C1S: variants seen among roughly 807,000 people sequenced by gnomAD.
C1S encodes the protein complement C1s, also known as complement C1s subcomponent.
C1S carries 31 observed loss-of-function variants against 54.0 expected under a neutral mutation model. That is an observed-to-expected ratio of 0.57 (90% CI 0.43 to 0.78). The LOEUF is 0.78. Among genes scored for constraint, C1S ranks in the 30% least tolerant of loss-of-function variants. C1S has a pLI of 0.00. For synonymous variants in C1S, 292 were observed against 303.6 expected (o/e 0.96, Z 0.40); for missense variants, 727 against 851.8 (o/e 0.85, Z 1.82).
chr12:7,061,059 C>G (rs1947081548), intron 1 of C1S, among the ~76,000 whole-genome samples, 182 bp downstream of exon 1: 1 of 152,206 alleles, frequency 6.6e-6, no homozygotes, highest in Non-Finnish European at 1.5e-5. Context: ...ACCCCCTTAC[C>G]TACCACTGTT....
intron 9 of C1S, chr12:7,067,415 C>G (rs1187837119): frequency 4.4e-6 from 3 of 683,904 alleles, no homozygotes; most frequent in Non-Finnish European, 7.9e-6. Flanking sequence ...GAACCAGGCT[C>G]TTCACTACGG....
intron 4 of C1S, chr12:7,063,519 C>G (rs1591576176): frequency 2.9e-6 from 1 of 348,356 alleles, no homozygotes; most frequent in East Asian, 7.5e-5. Context: ...ATTCTGGGTA[C>G]TTCTGTATCT....
intron 4 of C1S, chr12:7,063,401 T>C (rs1163215118): frequency 2.4e-5 from 11 of 465,892 alleles, no homozygotes; most frequent in Admixed American, 1.5e-4. Context: ...ATTTGCTCCA[T>C]ATAAAGATGA....
At position 7,065,160 on chromosome 12, in the gene C1S, C is replaced by T. The variant is rs199916072; in HGVS notation, c.578C>T (p.Pro193Leu). 4.9e-5 allele frequency: 79 copies of T among 1,613,852 alleles called. No individual in the cohort carries two copies. The highest frequency in any genetic ancestry group is 1.7e-5 in the Non-Finnish European group (20 of 1,179,950). The change falls in exon 6 of 12, where the codon CCC becomes CTC. Residue 193 changes from proline (P) to leucine (L), a missense_variant. By Grantham distance (98) the Pro-to-Leu change is moderately conservative. Around this residue, in one of 3 missense-constraint regions of C1S, gnomAD observed 357 missense variants for 365.4 expected, o/e 0.98. Coordinates refer to ENST00000360817, the MANE Select transcript of C1S (RefSeq NM_001734.5). The stretch of plus-strand genomic sequence containing the variant: ...GGGGAGATTGCAAGTCCCAATTATC[C>T]CAAACCATATCCAGAGAACTCAAGG... ...LIGEIASPNY[P>L]KPYPENSRCE... is the part of the protein sequence containing the mutation.
chr12:7,062,416 G>A (rs888168551), intron 2 of C1S, 59 bp from the exon 3 acceptor site: 8 of 1,277,814 alleles, frequency 6.3e-6, no homozygotes, highest in South Asian at 2.4e-5. Flanking sequence ...CAAATAGCGC[G>A]TTCTGTCCTA....
chr12:7,068,543 G>A lies in C1S; in HGVS notation c.1270+13G>A. On this transcript the variant is annotated intron_variant, in intron 11 of 11. Coordinates refer to ENST00000360817, the MANE Select transcript of C1S (RefSeq NM_001734.5). ...AAATGTGTTCCAGGTAAGGAGGGCT[G>A]AGGCTTGGGGAGAGATGATAGCCAT... 1 of 1,588,204 alleles carries A rather than the reference G, an allele frequency of 6.3e-7. No homozygotes were observed. The highest frequency in any genetic ancestry group is 8.6e-7 in the Non-Finnish European group (1 of 1,156,474).
intron 11 of C1S, 75 bp downstream of exon 11, chr12:7,068,605 T>C: frequency 3.0e-6 from 3 of 1,016,434 alleles, no homozygotes; most frequent in Non-Finnish European, 4.7e-6. Context: ...GCAACTGTAA[T>C]CCTCTTGGGA....
intron 4 of C1S, 95 bp downstream of exon 4, chr12:7,063,162 C>T (rs1486899851): frequency 2.6e-5 from 31 of 1,210,858 alleles, no homozygotes; most frequent in East Asian, 9.3e-5. Context: ...GGATTCTGTT[C>T]GTAATTCTTA....
At position 7,070,816 on chromosome 12, in the gene C1S, A is replaced by T. The variant is rs782305086; in HGVS notation, c.*165A>T. On this transcript the variant is annotated 3_prime_UTR_variant, in exon 12 of 12. Transcript: ENST00000360817. This position sits in a 1 kb window ranked among gnomAD's most constrained non-coding sequence, Gnocchi z 4.9. ...CTTGCTAGAGGTAGAGTTTGATCAT[A>T]GAATTGTGCTGGTCATACATTTGTG... 5.8e-6 allele frequency: 4 copies of T among 692,090 alleles called. No homozygotes were observed. Among genetic ancestry groups the T allele is most frequent in the Non-Finnish European group, 1.0e-5 (4 of 395,410 alleles). 42.9% of individuals were successfully genotyped at this position (692,090 alleles called of 1,614,324 possible).
At position 7,070,712 on chromosome 12, in the gene C1S, T is replaced by C; in HGVS notation, c.*61T>C. On this transcript the variant is annotated 3_prime_UTR_variant, in exon 12 of 12. Transcript: ENST00000360817. This position sits in a 1 kb window ranked among gnomAD's most constrained non-coding sequence, Gnocchi z 4.9. ...GACCAATGCATTACCTTCTGTTCCT[T>C]ATGATATTCTCATTATTTCATCATG... 1 of 1,271,506 alleles carries C rather than the reference T, an allele frequency of 7.9e-7. No individual in the cohort carries two copies. The highest frequency in any genetic ancestry group is 1.1e-6 in the Non-Finnish European group (1 of 870,978). 78.8% of individuals were successfully genotyped at this position (1,271,506 alleles called of 1,614,324 possible). A position where few individuals can be genotyped will look rare whatever the true frequency, so the allele number is the denominator to read the frequency against.
Position 7,066,622 on chromosome 12 carries a change from G to A in C1S, c.976G>A (p.Glu326Lys), listed in dbSNP as rs781858797. The change falls in exon 8 of 12, where the codon GAA (glutamate) becomes AAA (lysine). Residue 326 changes from glutamate (E) to lysine (K), a missense_variant. This residue lies in a region of C1S where 10 missense variants were observed against 32.8 expected (regional missense o/e 0.30). Coordinates refer to ENST00000360817, the MANE Select transcript of C1S (RefSeq NM_001734.5). ...GCAGATAACCTGTCTGGATGGGTTT[G>A]AAGTTGTGGAGGTAAAGTACCACCT... ...VVQITCLDGF[E>K]VVEGRVGATS... The A allele has an allele frequency of 6.2e-7, 1 of 1,608,186 alleles. No individual in the cohort carries two copies.
chr12:7,068,444 G>C lies in C1S; in HGVS notation c.1196-12G>C. On this transcript the variant is annotated splice_polypyrimidine_tract_variant and intron_variant, in intron 10 of 11. Coordinates refer to ENST00000360817, the MANE Select transcript of C1S (RefSeq NM_001734.5). ...GTGGTGAGTGTGGCCTGTGTTCTCT[G>C]TGCTATTCCAGGGGAGTATCACTGT... is the stretch of plus-strand genomic sequence containing the variant. The C allele has an allele frequency of 3.1e-6, 5 of 1,604,584 alleles. No homozygotes were observed. The highest frequency in any genetic ancestry group is 1.1e-5 in the South Asian group (1 of 90,910).
chr12:7,063,339 G>A (rs1555161589), intron 4 of C1S: 11 of 534,228 alleles, frequency 2.1e-5, no homozygotes, highest in East Asian at 2.0e-4. Context: ...GGGGATTGGG[G>A]ATTTTTCCTA....
chr12:7,069,843 A>C lies in C1S; in HGVS notation c.1271-12A>C. 6.2e-7 allele frequency: 1 copy of C among 1,609,066 alleles called. No individual in the cohort carries two copies. The highest frequency in any genetic ancestry group is 8.5e-7 in the Non-Finnish European group (1 of 1,175,334). On this transcript the variant is annotated splice_polypyrimidine_tract_variant and intron_variant, in intron 11 of 11. Transcript: ENST00000360817. ...TCTTCCTCCTTCCCTGTGTTGTTTT[A>C]TTCCTTCCTAGTCTGTGGAGTCCCC...
chr12:7,068,233 T>G (rs782215185), intron 10 of C1S, among the ~76,000 whole-genome samples: 11 of 152,354 alleles, frequency 7.2e-5, no homozygotes, highest in Admixed American at 1.3e-4. Flanking sequence ...CTTCTTTCCT[T>G]CTGCTTTGGA....
chr12:7,067,434 G>T, intron 9 of C1S: 1 of 718,124 alleles, frequency 1.4e-6, no homozygotes. Context: ...GGCTTTCATG[G>T]GGCCATCTGA....
intron 1 of C1S, 96 bp from the exon 2 acceptor site, chr12:7,061,743 C>G (rs1435883369): frequency 2.5e-5 from 18 of 722,986 alleles, no homozygotes; most frequent in Non-Finnish European, 4.3e-5. Flanking sequence ...GTGTGTTATA[C>G]CTTTGAAGGT....
intron 10 of C1S, among the ~76,000 whole-genome samples, chr12:7,068,044 C>A (rs782044681): frequency 3.9e-5 from 6 of 152,314 alleles, no homozygotes; most frequent in South Asian, 4.1e-4. Context: ...GATTACCCAC[C>A]TTTTGACCAG....
rs782655313 is a variant in C1S at position 7,070,071 on chromosome 12, G to A, written c.1487G>A (p.Arg496Gln). 34 of 1,614,006 alleles carry A rather than the reference G, an allele frequency of 2.1e-5. No homozygotes were observed. The highest frequency in any genetic ancestry group is 1.7e-4 in the African/African-American group (13 of 74,920). The change falls in exon 12 of 12, where the codon CGG (arginine) becomes CAG (glutamine). Residue 496 changes from arginine (R) to glutamine (Q), a missense_variant. Coordinates refer to ENST00000360817, the MANE Select transcript of C1S (RefSeq NM_001734.5). The surrounding 1 kb of genome is among the most constrained non-coding windows in gnomAD (Gnocchi z 4.9). ...YVGSTSVQTS[R>Q]LAKSKMLTPE... ...GGGTCCACCTCAGTGCAGACCTCAC[G>A]GCTGGCAAAATCCAAGATGCTCACT...
Sources: gnomAD v4.1 joint callset for allele counts (sites outside exome capture counted in the v4.1 genomes callset) on GRCh38, gnomAD v4.1.1 for gene constraint, gnomAD v4.1.1 regional missense constraint, Gnocchi (gnomAD v3.1) non-coding constraint, MANE v1.5 for transcripts, NCBI Gene and HGNC (gene_info 2026-07-23, HGNC 2026-07-21) for gene names.